NECAB2: variants seen among roughly 807,000 people sequenced by gnomAD.
NECAB2 encodes N-terminal EF-hand calcium-binding protein 2.
In NECAB2, 68 loss-of-function variants were observed where a neutral mutation model predicts 51.9. The ratio of observed to expected loss-of-function variants is 1.31; its 90% confidence interval spans 1.08 to 1.60. The LOEUF is 1.60. NECAB2 is among the 40% of genes most tolerant of loss of function. NECAB2 has a pLI of 0.00. For synonymous variants in NECAB2, 329 were observed against 203.5 expected (o/e 1.62, Z -5.25); for missense variants, 854 against 490.3 (o/e 1.74, Z -7.00).
At chr16:83,994,817 G>GGTGGGGC (rs2084674390) in intron 8 of NECAB2, 129 bp downstream of exon 8, 2 of 1,052,586 alleles carry the variant, frequency 1.9e-6, no homozygotes, top group Admixed American at 4.5e-5. Context: ...ACATCCCCCA[G>GGTGGGGC]GTGGGGCGTG....
rs1156922901 is a variant in NECAB2, at chr16:83,978,450, G to A, written c.233G>A (p.Gly78Glu). ...IFRRADKNDDGKLSLEEFQLF... is the reference protein window; with the variant it reads ...IFRRADKNDDEKLSLEEFQLF... ...TCTGCTTCCTTCCTTGCAGATGATG[G>A]GAAGCTGTCCTTGGAGGAATTCCAG... Residue 78 changes from glycine to glutamate, a missense_variant, in exon 3 of 13, where the codon GGG becomes GAG. Coordinates refer to ENST00000305202, the MANE Select transcript of NECAB2 (RefSeq NM_019065.3). 2 of 1,613,664 alleles carry A rather than the reference G, an allele frequency of 1.2e-6. No homozygotes were observed. Among genetic ancestry groups the A allele is most frequent in the Non-Finnish European group, 8.5e-7 (1 of 1,179,786 alleles).
chr16:83,998,604 G>A lies in NECAB2; in HGVS notation c.962+287G>A, dbSNP rs560725991. ...ATCATGAGTGCATATACAATCAAGT[G>A]TGTGAATCTCAAGTGTGAAGGGCTC... On this transcript the variant is annotated intron_variant, in intron 10 of 12. Transcript: ENST00000305202. Among the ~76,000 whole-genome samples the A allele has an allele frequency of 1.2e-4, 18 of 152,304 alleles. No individual in the cohort carries two copies. In the East Asian group the frequency reaches 1.7e-3, roughly 15 times the overall value.
rs758666652 is a variant in NECAB2 at position 84,002,304 on chromosome 16, C to G, written c.1133-14C>G. ...TTCGCACTCCTTCCCTCTAACGTGTCTCTCTCCTTTTAGCTGCTTGGTGCA... is the reference window on the plus strand; with the variant it reads ...TTCGCACTCCTTCCCTCTAACGTGTGTCTCTCCTTTTAGCTGCTTGGTGCA... On this transcript the variant is annotated splice_polypyrimidine_tract_variant and intron_variant, in intron 12 of 12. Transcript: ENST00000305202. The G allele has an allele frequency of 8.1e-6, 13 of 1,613,702 alleles. No individual in the cohort carries two copies. In the African/African-American group the frequency reaches 9.3e-5, roughly 12 times the overall value.
intron 5 of NECAB2, 88 bp from the exon 6 acceptor site, chr16:83,990,406 C>G: frequency 6.6e-7 from 1 of 1,519,474 alleles, no homozygotes; most frequent in Non-Finnish European, 9.0e-7. Context: ...TCACCAGCAC[C>G]AGCTTTCCCC....
At chr16:83,982,350 T>C (rs2084499203) in intron 5 of NECAB2, among the ~76,000 whole-genome samples, 1 of 152,232 alleles carries the variant, frequency 6.6e-6, no homozygotes, top group Admixed American at 6.5e-5. Context: ...TTTTAGAGTA[T>C]ATTTTAATAC....
At chr16:83,978,888 C>G (rs1395065747) in intron 3 of NECAB2, among the ~76,000 whole-genome samples, 2 of 152,096 alleles carry the variant, frequency 1.3e-5, no homozygotes, top group African/African-American at 4.8e-5. Flanking sequence ...CAGTTCTCAC[C>G]CCAACCCCAA....
intron 11 of NECAB2, among the ~76,000 whole-genome samples, chr16:84,001,260 C>G (rs2084827718): frequency 2.0e-5 from 2 of 99,770 alleles, no homozygotes; most frequent in Middle Eastern, 4.4e-3. Context: ...AGGCCTTTGT[C>G]CTCTGCTCAG....
chr16:83,992,599 T>G (rs1175464353), intron 6 of NECAB2, among the ~76,000 whole-genome samples: 3 of 152,202 alleles, frequency 2.0e-5, no homozygotes, highest in African/African-American at 7.2e-5. Context: ...GACTGGGGTT[T>G]GATCGTGTGT....
At chr16:83,979,568 G>A (rs1158728222) in intron 3 of NECAB2, among the ~76,000 whole-genome samples, 1 of 152,172 alleles carries the variant, frequency 6.6e-6, no homozygotes, top group Non-Finnish European at 1.5e-5. Flanking sequence ...GGGCCAGATG[G>A]AGATTTCTGA....
chr16:83,975,539 A>G (rs1276988700), intron 2 of NECAB2, among the ~76,000 whole-genome samples: 1 of 152,130 alleles, frequency 6.6e-6, no homozygotes. Context: ...CTTAGGACTT[A>G]GAGATTACAG....
chr16:83,972,292 G>T, intron 2 of NECAB2, 117 bp downstream of exon 2: 1 of 1,467,394 alleles, frequency 6.8e-7, no homozygotes. Context: ...TGGAGTGCAG[G>T]GGTCTGAAGT....
Position 83,977,777 on chromosome 16 carries a change from C to T in NECAB2, c.227-667C>T, listed in dbSNP as rs971759794. On this transcript the variant is annotated intron_variant, in intron 2 of 12. Coordinates refer to ENST00000305202, the MANE Select transcript of NECAB2 (RefSeq NM_019065.3). ...CATTGGCAGCCATCTCATGCTGCCT[C>T]AGGGAAGGACCTGAAGTTTGCCACA... Among the ~76,000 whole-genome samples the T allele has an allele frequency of 2.0e-5, 3 of 152,328 alleles. 1 individual carries two copies. The highest frequency in any genetic ancestry group is 2.4e-5 in the African/African-American group (1 of 41,574).
chr16:83,998,641 G>A (rs573589713), intron 10 of NECAB2, among the ~76,000 whole-genome samples: 1 of 152,166 alleles, frequency 6.6e-6, no homozygotes, highest in Non-Finnish European at 1.5e-5. Flanking sequence ...AGCTGGGCCT[G>A]GTGTGCCCCG....
intron 11 of NECAB2, among the ~76,000 whole-genome samples, chr16:84,001,517 T>G (rs796379827): frequency 3.0e-4 from 46 of 152,230 alleles, no homozygotes; most frequent in African/African-American, 1.1e-3. Flanking sequence ...TGTGTTGTCA[T>G]GGGTCCCAGG....
At chr16:83,965,210 G>A (rs1733978794), upstream of NECAB2, 2 of 1,612,970 alleles carry the variant, frequency 1.2e-6, no homozygotes, top group South Asian at 2.2e-5. Context: ...CAGCTGTGGG[G>A]CCCAGGACTC....
rs138721084 is a variant in NECAB2, at chr16:83,994,057, C to T, written c.597-245C>T. On this transcript the variant is annotated intron_variant, in intron 6 of 12. Coordinates refer to ENST00000305202, the MANE Select transcript of NECAB2 (RefSeq NM_019065.3). ...GAATCTCTTGGGGAAAAGGCCTAGG[C>T]CGTGGGGTCCTAGAATGGAGCTGAA... 4.3e-4 allele frequency among the ~76,000 whole-genome samples: 66 copies of T among 152,282 alleles called. 1 individual carries two copies. Among genetic ancestry groups the T allele is most frequent in the Non-Finnish European group, 6.0e-4 (41 of 68,026 alleles).
chr16:83,997,646 C>G (rs28579604), intron 9 of NECAB2, among the ~76,000 whole-genome samples: 67 of 151,978 alleles, frequency 4.4e-4, no homozygotes, highest in African/African-American at 1.6e-3. Flanking sequence ...TGCCACCACG[C>G]CTGGCTAATT....
At chr16:84,001,565 G>T (rs1401503996) in intron 11 of NECAB2, among the ~76,000 whole-genome samples, 3 of 152,106 alleles carry the variant, frequency 2.0e-5, no homozygotes, top group African/African-American at 7.2e-5. Flanking sequence ...GGGTAAAGGG[G>T]GAGGTAGAGG....
intron 5 of NECAB2, among the ~76,000 whole-genome samples, chr16:83,989,399 T>G (rs1259316565): frequency 6.6e-6 from 1 of 152,214 alleles, no homozygotes; most frequent in African/African-American, 2.4e-5. Flanking sequence ...CTCCTCTGTT[T>G]CTCAGTCTGT....
Sources: allele counts gnomAD v4.1 joint callset (sites outside exome capture counted in the v4.1 genomes callset), GRCh38; gene constraint gnomAD v4.1.1; transcripts MANE v1.5; gene names NCBI Gene and HGNC (gene_info 2026-07-23, HGNC 2026-07-21).